TBCB: variants seen among roughly 807,000 people sequenced by gnomAD.
TBCB encodes the protein tubulin folding cofactor B.
TBCB carries 18 observed loss-of-function variants against 29.2 expected under a neutral mutation model. That is an observed-to-expected ratio of 0.62 (90% CI 0.43 to 0.91). The LOEUF (loss-of-function observed/expected upper bound fraction) is 0.91. Ranked by LOEUF, TBCB falls within the 40% of genes least tolerant of loss-of-function variation. TBCB has a pLI of 0.00. For missense variants in TBCB, 336 were observed against 337.6 expected, an observed-to-expected ratio of 1.00 and a Z score of 0.04; for synonymous variants, 172 against 137.8, an observed-to-expected ratio of 1.25 and a Z score of -1.74.
intron 1 of TBCB, 36 bp from the exon 2 acceptor site, chr19:36,115,996 GGGCCTCCGT>G: frequency 6.3e-7 from 1 of 1,597,520 alleles, no homozygotes. Flanking sequence ...GCAAGGGGCG[GGGCCTCCGT>G]GGCCTCCTTC....
At position 36,125,461 on chromosome 19, in the gene TBCB, T is replaced by C. The variant is rs770634310; in HGVS notation, c.558T>C (p.Asp186=). The change falls in exon 5 of 6, where the codon GAT becomes GAC. Residue 186 remains aspartate, a synonymous_variant. Transcript: ENST00000221855. ...CTCTTCTGTTGGCAGGTCTCACAGATTTCAAGCCTGGCTACTGGATTGGTG... is the reference window on the plus strand; with the variant it reads ...CTCTTCTGTTGGCAGGTCTCACAGACTTCAAGCCTGGCTACTGGATTGGTG... ...RGTVMYVGLT[D]FKPGYWIGVR... The C allele has an allele frequency of 3.8e-5, 62 of 1,614,108 alleles. No homozygotes were observed. The highest frequency in any genetic ancestry group is 4.9e-5 in the Non-Finnish European group (58 of 1,180,052).
chr19:36,119,395 A>C (rs1974007508), intron 2 of TBCB, among the ~76,000 whole-genome samples: 2 of 151,968 alleles, frequency 1.3e-5, no homozygotes, highest in African/African-American at 4.8e-5. Flanking sequence ...ACTCTCATCA[A>C]ATCCTCTCGG....
chr19:36,125,305 T>C (rs1457242674), intron 4 of TBCB, 146 bp from the exon 5 acceptor site: 7 of 830,650 alleles, frequency 8.4e-6, no homozygotes, highest in East Asian at 7.4e-5. Flanking sequence ...GTGGTCCTAG[T>C]GGTAGCAATA....
At chr19:36,116,320 G>GAT in intron 2 of TBCB, 136 bp downstream of exon 2, 1 of 1,180,530 alleles carries the variant, frequency 8.5e-7, no homozygotes, top group East Asian at 2.5e-5. Context: ...AGCCTGACGA[G>GAT]AGACAGACCC....
At position 36,124,520 on chromosome 19, in the gene TBCB, C is replaced by T. The variant is rs547327415; in HGVS notation, c.548-931C>T. On this transcript the variant is annotated intron_variant, in intron 4 of 5. Transcript: ENST00000221855. ...GATTACAAACATGAGCCACTGCGCC[C>T]ATCGGTATGTCGGGGTTTGGTTTTG... Among the ~76,000 whole-genome samples the T allele has an allele frequency of 7.9e-5, 12 of 152,124 alleles. No individual in the cohort carries two copies. The South Asian group carries it at 2.5e-3, about 32-fold the overall frequency.
intron 3 of TBCB, among the ~76,000 whole-genome samples, 176 bp downstream of exon 3, chr19:36,120,982 T>G (rs1599864831): frequency 3.9e-5 from 4 of 103,300 alleles, no homozygotes; most frequent in Non-Finnish European, 6.1e-5. Flanking sequence ...AGGCCTGGGG[T>G]GGGAATGAGG....
chr19:36,124,689 G>T (rs940505624), intron 4 of TBCB, among the ~76,000 whole-genome samples: 1 of 152,100 alleles, frequency 6.6e-6, no homozygotes, highest in African/African-American at 2.4e-5. Flanking sequence ...AACTACAGGC[G>T]CCCGCCACCA....
In TBCB at chr19:36,121,699, G is replaced by A; in HGVS notation, c.528G>A (p.Arg176=). 1 of 1,552,570 alleles carries A rather than the reference G, an allele frequency of 6.4e-7. No homozygotes were observed. Among genetic ancestry groups the A allele is most frequent in the Non-Finnish European group, 8.7e-7 (1 of 1,149,296 alleles). The change falls in exon 4 of 6, where the codon CGG becomes CGA. Residue 176 remains arginine, a synonymous_variant. Coordinates refer to ENST00000221855, the MANE Select transcript of TBCB (RefSeq NM_001281.3). ...GGGCGGCGGGACAATCCCCTCGCCG[G>A]GGCACCGTCATGTATGTAGGTGCGT... is the stretch of plus-strand genomic sequence containing the variant. ...EVRAAGQSPR[R]GTVMYVGLTD... is the part of the protein sequence containing the mutation.
At chr19:36,116,685 A>C (rs1481276287) in intron 2 of TBCB, 1 of 152,780 alleles carries the variant, frequency 6.5e-6, no homozygotes, top group East Asian at 1.9e-4. Context: ...AATGGAGTGC[A>C]GTGGCACTAT....
chr19:36,125,745 A>G lies in TBCB; in HGVS notation c.698A>G (p.Asp233Gly), dbSNP rs1201061385. ...AAGCCAGCAGTCGTGACGGTGGGGG[A>G]CTTCCCGGAGGAGGACTACGGGTTG... ...FVKPAVVTVG[D>G]FPEEDYGLDE... The change falls in exon 6 of 6, where the codon GAC (aspartate) becomes GGC (glycine). Residue 233 changes from aspartate (D) to glycine (G), a missense_variant. Transcript: ENST00000221855. 2 of 1,567,246 alleles carry G rather than the reference A, an allele frequency of 1.3e-6. No homozygotes were observed. Among genetic ancestry groups the G allele is most frequent in the Non-Finnish European group, 8.6e-7 (1 of 1,156,752 alleles).
chr19:36,115,941 TG>T (rs890116333), intron 1 of TBCB, 99 bp from the exon 2 acceptor site: 35 of 1,489,798 alleles, frequency 2.3e-5, no homozygotes, highest in Admixed American at 3.8e-5. Context: ...GCGTCCTGAC[TG>T]GGGGGTCTTT....
At chr19:36,121,448 G>A (rs1406219300) in intron 3 of TBCB, 79 bp from the exon 4 acceptor site, 16 of 1,452,004 alleles carry the variant, frequency 1.1e-5, no homozygotes, top group African/African-American at 7.1e-5. Flanking sequence ...CTCCGTGAAC[G>A]TGGGCCCCTC....
chr19:36,122,398 T>C (rs1258108586), intron 4 of TBCB, among the ~76,000 whole-genome samples: 1 of 151,600 alleles, frequency 6.6e-6, no homozygotes, highest in Non-Finnish European at 1.5e-5. Context: ...TGAGCTATGA[T>C]TGTGTCATTG....
intron 2 of TBCB, among the ~76,000 whole-genome samples, chr19:36,117,105 C>T (rs554217333): frequency 5.3e-5 from 8 of 152,286 alleles, no homozygotes; most frequent in East Asian, 1.9e-4. Context: ...AAGTCTTCAC[C>T]GGCCTCAGTG....
chr19:36,115,313 A>G, upstream of TBCB: 6 of 551,118 alleles, frequency 1.1e-5, no homozygotes, highest in South Asian at 1.4e-4. Flanking sequence ...CCGCTATTGG[A>G]AGAACCGTGA....
At chr19:36,120,377 G>C (rs1484209754) in intron 2 of TBCB, 2 of 284,512 alleles carry the variant, frequency 7.0e-6, no homozygotes, top group African/African-American at 4.3e-5. Flanking sequence ...CCATCGAGGA[G>C]ATGCGCTGTG....
chr19:36,117,093 T>G (rs1295355220), intron 2 of TBCB, among the ~76,000 whole-genome samples: 1 of 152,216 alleles, frequency 6.6e-6, no homozygotes, highest in African/African-American at 2.4e-5. Flanking sequence ...AGTATTCTAG[T>G]GAAGTCTTCA....
chr19:36,125,545 G>A, intron 5 of TBCB, 22 bp downstream of exon 5: 5 of 1,613,834 alleles, frequency 3.1e-6, no homozygotes, highest in Non-Finnish European at 4.2e-6. Context: ...TCCCACTCAG[G>A]TGTCTGTGTG....
chr19:36,125,855 T>C lies in TBCB; in HGVS notation c.*73T>C. 3 of 1,074,806 alleles carry C rather than the reference T, an allele frequency of 2.8e-6. No homozygotes were observed. Among genetic ancestry groups the C allele is most frequent in the South Asian group, 2.4e-5 (1 of 41,236 alleles). The allele number at this position is 1,074,806 out of a possible 1,614,324, so 66.6% of individuals were successfully genotyped here. On this transcript the variant is annotated 3_prime_UTR_variant, in exon 6 of 6. Transcript: ENST00000221855. ...CCCCTCCTGTGTGTGCCCATGGCCC[T>C]TTTCTCCTGACCCCATTTTAATTTT... is the stretch of plus-strand genomic sequence containing the variant.
Sources: gnomAD v4.1 joint callset for allele counts (sites outside exome capture counted in the v4.1 genomes callset) on GRCh38, gnomAD v4.1.1 for gene constraint, MANE v1.5 for transcripts, NCBI Gene and HGNC (gene_info 2026-07-23, HGNC 2026-07-21) for gene names.